The following ZNF516 variants were observed in gnomAD, a reference collection of about 807,000 sequenced individuals.
ZNF516 encodes the protein zinc finger protein 516.
In ZNF516, 19 loss-of-function variants were observed where a neutral mutation model predicts 79.7. The ratio of observed to expected loss-of-function variants is 0.24; its 90% CI spans 0.17 to 0.35. The LOEUF is 0.35. Among genes scored for constraint, ZNF516 ranks in the 10% least tolerant of loss-of-function variants. The pLI is 1.00. For missense variants in ZNF516, 1,678 were observed against 1,679.5 expected (o/e 1.00, Z 0.02); for synonymous variants, 877 against 739.5 (o/e 1.19, Z -3.02).
chr18:76,373,008 A>C (rs2074731782), intron 4 of ZNF516: 1 of 152,296 alleles, frequency 6.6e-6, no homozygotes, highest in Non-Finnish European at 1.5e-5. Flanking sequence ...AAAGCTATCC[A>C]GGCGAGTGAT....
At chr18:76,482,095 G>C (rs115845121) in intron 1 of ZNF516, among the ~76,000 whole-genome samples, 3 of 152,034 alleles carry the variant, frequency 2.0e-5, no homozygotes, top group African/African-American at 7.3e-5. Context: ...TGACTTTAGC[G>C]CTAATGCTAA....
At chr18:76,478,110 C>G (rs1914281593) in intron 1 of ZNF516, among the ~76,000 whole-genome samples, 1 of 152,200 alleles carries the variant, frequency 6.6e-6, no homozygotes, top group South Asian at 2.1e-4. Context: ...AGAAAGTGTA[C>G]TAACTTCTAC....
chr18:76,483,957 C>G (rs900859815), intron 1 of ZNF516, among the ~76,000 whole-genome samples: 2 of 152,194 alleles, frequency 1.3e-5, no homozygotes, highest in Non-Finnish European at 2.9e-5. Context: ...TGGAAAGACG[C>G]AAACATTTAC....
chr18:76,466,535 T>G (rs1913480813), intron 1 of ZNF516, among the ~76,000 whole-genome samples: 1 of 152,224 alleles, frequency 6.6e-6, no homozygotes, highest in Non-Finnish European at 1.5e-5. Flanking sequence ...AAGAGGCTAC[T>G]TGGCTGGCAC....
At chr18:76,468,920 T>G (rs73479069) in intron 1 of ZNF516, among the ~76,000 whole-genome samples, 1,806 of 152,310 alleles carry the variant, frequency 0.012, 49 homozygotes, top group African/African-American at 0.041. Flanking sequence ...CATTGTATAT[T>G]ATATGTCCTT....
chr18:76,460,757 G>C (rs996064406), intron 2 of ZNF516, among the ~76,000 whole-genome samples: 6 of 152,206 alleles, frequency 3.9e-5, no homozygotes, highest in African/African-American at 1.4e-4. Context: ...GAGATCACTT[G>C]CAAAAAGCTA....
intron 3 of ZNF516, 131 bp downstream of exon 3, chr18:76,441,114 G>T: frequency 7.5e-7 from 1 of 1,328,140 alleles, no homozygotes; most frequent in Non-Finnish European, 1.0e-6. Flanking sequence ...CTGAGCATAG[G>T]CCTAGCTGAG....
intron 3 of ZNF516, among the ~76,000 whole-genome samples, chr18:76,384,669 A>C (rs2074955122): frequency 1.3e-5 from 2 of 149,412 alleles, no homozygotes; most frequent in African/African-American, 4.9e-5. Flanking sequence ...CCTGATCCTG[A>C]AACGGAAGAA....
At chr18:76,417,299 C>T (rs908616360) in intron 3 of ZNF516, among the ~76,000 whole-genome samples, 20 of 152,180 alleles carry the variant, frequency 1.3e-4, no homozygotes, top group Admixed American at 9.8e-4. Flanking sequence ...ACACTCCTCC[C>T]GGCTCTTTCA....
intron 1 of ZNF516, among the ~76,000 whole-genome samples, chr18:76,488,448 A>G (rs1914960082): frequency 6.6e-6 from 1 of 150,380 alleles, no homozygotes; most frequent in African/African-American, 2.4e-5. Context: ...AGCAGTGAAC[A>G]AACCCACGGG....
At chr18:76,373,549 A>T (rs2074741313) in intron 4 of ZNF516, among the ~76,000 whole-genome samples, 1 of 152,250 alleles carries the variant, frequency 6.6e-6, no homozygotes, top group Non-Finnish European at 1.5e-5. Context: ...GACGACATGC[A>T]ATGTCATCTG....
intron 3 of ZNF516, among the ~76,000 whole-genome samples, chr18:76,409,490 T>C (rs1486778333): frequency 6.6e-6 from 1 of 152,194 alleles, no homozygotes; most frequent in African/African-American, 2.4e-5. Flanking sequence ...CAGTAAAAAT[T>C]AGTGTTGCAA....
intron 1 of ZNF516, chr18:76,492,205 A>G (rs1915270732): frequency 1.0e-6 from 1 of 985,302 alleles, no homozygotes; most frequent in Non-Finnish European, 1.2e-6. Flanking sequence ...TGCTCCCGGA[A>G]GACACCGCGT....
intron 2 of ZNF516, among the ~76,000 whole-genome samples, chr18:76,453,424 C>T (rs1479158868): frequency 6.6e-6 from 1 of 152,204 alleles, no homozygotes; most frequent in African/African-American, 2.4e-5. Context: ...CTATTCATTA[C>T]AAAAGCCATG....
At chr18:76,436,201 T>C (rs567789776) in intron 3 of ZNF516, among the ~76,000 whole-genome samples, 143 of 152,288 alleles carry the variant, frequency 9.4e-4, no homozygotes, top group African/African-American at 3.4e-3. Context: ...TCCTGTTTAA[T>C]AGAGGGCCCC....
chr18:76,472,844 A>G (rs1913927033), intron 1 of ZNF516, among the ~76,000 whole-genome samples: 1 of 152,278 alleles, frequency 6.6e-6, no homozygotes, highest in Non-Finnish European at 1.5e-5. Flanking sequence ...ATCTACACAT[A>G]AAATAAACAT....
At chr18:76,428,227 A>G (rs929229325) in intron 3 of ZNF516, among the ~76,000 whole-genome samples, 2 of 151,744 alleles carry the variant, frequency 1.3e-5, no homozygotes, top group African/African-American at 4.9e-5. Flanking sequence ...CTGTACTAAA[A>G]ATGCAAAAAA....
At chr18:76,468,880 T>C (rs1913657754) in intron 1 of ZNF516, among the ~76,000 whole-genome samples, 1 of 152,088 alleles carries the variant, frequency 6.6e-6, no homozygotes, top group African/African-American at 2.4e-5. Flanking sequence ...CCTCAAAGAG[T>C]GTTTGTTGCC....
intron 3 of ZNF516, among the ~76,000 whole-genome samples, chr18:76,383,998 C>A (rs2074937575): frequency 6.6e-6 from 1 of 152,208 alleles, no homozygotes; most frequent in South Asian, 2.1e-4. Flanking sequence ...TTCGTTACAG[C>A]CAGGTCAAAA....
Sources: gnomAD v4.1 joint callset for allele counts (sites outside exome capture counted in the v4.1 genomes callset) on GRCh38, gnomAD v4.1.1 for gene constraint, MANE v1.5 for transcripts, NCBI Gene and HGNC (gene_info 2026-07-23, HGNC 2026-07-21) for gene names.